NR3C2: variants seen among roughly 807,000 people sequenced by gnomAD.
The protein encoded by NR3C2 is mineralocorticoid receptor.
NR3C2 carries 15 observed loss-of-function variants against 86.4 expected under a neutral mutation model. That is an observed-to-expected ratio of 0.17 (90% confidence interval 0.12 to 0.27). The LOEUF (loss-of-function observed/expected upper bound fraction) is 0.27. Among genes scored for constraint, NR3C2 ranks in the 10% least tolerant of loss-of-function variants. The pLI, the probability that NR3C2 is intolerant of heterozygous loss-of-function variation, is 1.00. For missense variants in NR3C2, 960 were observed against 1,195.6 expected, an observed-to-expected ratio of 0.80 and a Z score of 2.91; for synonymous variants, 458 against 450.5, an observed-to-expected ratio of 1.02 and a Z score of -0.21.
intron 2 of NR3C2, among the ~76,000 whole-genome samples, chr4:148,268,591 C>A (rs939092043): frequency 2.0e-5 from 3 of 152,176 alleles, no homozygotes; most frequent in Non-Finnish European, 1.5e-5. Context: ...TAGTCTTCCA[C>A]AATTTACTTT....
Position 148,259,961 on chromosome 4 carries a change from C to T in NR3C2, c.1897+17G>A, listed in dbSNP as rs750894755. On this transcript the variant is annotated intron_variant, in intron 3 of 8. Coordinates refer to ENST00000358102, the MANE Select transcript of NR3C2 (RefSeq NM_000901.5). The stretch of plus-strand genomic sequence containing the variant: ...TAGGAAAAAATATGTAAAAGGAACA[C>T]CCACATGAACATTTACCTTCCACTG... 3.3e-5 allele frequency: 54 copies of T among 1,613,996 alleles called. No homozygotes were observed. Among genetic ancestry groups the T allele is most frequent in the Middle Eastern group, 1.7e-4 (1 of 6,056 alleles).
At chr4:148,252,383 A>G (rs528387411) in intron 3 of NR3C2, among the ~76,000 whole-genome samples, 4 of 152,188 alleles carry the variant, frequency 2.6e-5, no homozygotes, top group Non-Finnish European at 5.9e-5. Flanking sequence ...GAAATAAATG[A>G]GATAAAATAT....
At chr4:148,369,579 T>C (rs1255194425) in intron 2 of NR3C2, among the ~76,000 whole-genome samples, 2 of 152,326 alleles carry the variant, frequency 1.3e-5, no homozygotes, top group East Asian at 3.9e-4. Context: ...TAAATACTTC[T>C]TTAGCACTTT....
At chr4:148,335,418 A>G (rs996052181) in intron 2 of NR3C2, among the ~76,000 whole-genome samples, 1 of 152,330 alleles carries the variant, frequency 6.6e-6, no homozygotes, top group Admixed American at 6.5e-5. Context: ...GAAAATTTCT[A>G]GACATGCGCA....
chr4:148,348,196 T>C (rs918451457), intron 2 of NR3C2, among the ~76,000 whole-genome samples: 2 of 152,116 alleles, frequency 1.3e-5, no homozygotes, highest in African/African-American at 4.8e-5. Flanking sequence ...CACACTCTGT[T>C]TTGGTAAGTC....
At chr4:148,272,495 G>T (rs368535448) in intron 2 of NR3C2, among the ~76,000 whole-genome samples, 11 of 152,076 alleles carry the variant, frequency 7.2e-5, no homozygotes, top group African/African-American at 2.7e-4. Flanking sequence ...AGGACCCTTG[G>T]AATTTATTTA....
chr4:148,106,080 G>A (rs1731784088), intron 8 of NR3C2, among the ~76,000 whole-genome samples: 1 of 152,178 alleles, frequency 6.6e-6, no homozygotes, highest in Non-Finnish European at 1.5e-5. Context: ...AATTGTCACT[G>A]TTTGCAGATG....
At chr4:148,421,932 G>C (rs1287113533) in intron 2 of NR3C2, among the ~76,000 whole-genome samples, 1 of 151,988 alleles carries the variant, frequency 6.6e-6, no homozygotes, top group Non-Finnish European at 1.5e-5. Context: ...TCTTTTGCTT[G>C]TTAAATGAAA....
intron 4 of NR3C2, among the ~76,000 whole-genome samples, chr4:148,190,124 G>C (rs1736126623): frequency 6.6e-6 from 1 of 152,098 alleles, no homozygotes; most frequent in South Asian, 2.1e-4. Context: ...TTTGAGTTGT[G>C]ACCTTAGATT....
intron 6 of NR3C2, among the ~76,000 whole-genome samples, chr4:148,149,436 A>G (rs182092650): frequency 9.2e-5 from 14 of 152,194 alleles, no homozygotes; most frequent in East Asian, 1.9e-4. Flanking sequence ...CCTAAGTTCC[A>G]TTTACGAAAA....
chr4:148,323,588 G>T (rs1411507702), intron 2 of NR3C2, among the ~76,000 whole-genome samples: 2 of 151,946 alleles, frequency 1.3e-5, no homozygotes, highest in Non-Finnish European at 2.9e-5. Context: ...GTGGTGCGCC[G>T]TTTTTTCAGC....
At chr4:148,286,431 G>T (rs1164762258) in intron 2 of NR3C2, among the ~76,000 whole-genome samples, 1 of 152,154 alleles carries the variant, frequency 6.6e-6, no homozygotes, top group Non-Finnish European at 1.5e-5. Context: ...AAAATTCCCT[G>T]TGATTCACTT....
intron 8 of NR3C2, among the ~76,000 whole-genome samples, chr4:148,104,573 G>C (rs72959800): frequency 0.02 from 3,075 of 152,158 alleles, 82 homozygotes; most frequent in African/African-American, 0.071. Flanking sequence ...TCGATCTCTC[G>C]ATGTCTCTTA....
chr4:148,397,697 G>A (rs1157457278), intron 2 of NR3C2, among the ~76,000 whole-genome samples: 2 of 152,046 alleles, frequency 1.3e-5, no homozygotes, highest in African/African-American at 4.8e-5. Flanking sequence ...TTATAAATGT[G>A]AATAGTTCTT....
intron 3 of NR3C2, among the ~76,000 whole-genome samples, chr4:148,211,874 A>G (rs61758897): frequency 1.4e-4 from 21 of 152,246 alleles, no homozygotes; most frequent in Non-Finnish European, 2.6e-4. Context: ...ATAATCAGCC[A>G]TCAATTAATG....
intron 4 of NR3C2, among the ~76,000 whole-genome samples, chr4:148,171,353 T>G (rs1216134086): frequency 6.6e-6 from 1 of 152,104 alleles, no homozygotes; most frequent in Non-Finnish European, 1.5e-5. Flanking sequence ...CAATCACGAG[T>G]GCAGCTTCAC....
At chr4:148,136,083 A>C (rs541249008) in intron 6 of NR3C2, among the ~76,000 whole-genome samples, 5 of 136,758 alleles carry the variant, frequency 3.7e-5, no homozygotes, top group Middle Eastern at 4.2e-3. Flanking sequence ...AAAACAAAAA[A>C]AAAAAACACC....
chr4:148,305,899 T>A (rs1418041573), intron 2 of NR3C2, among the ~76,000 whole-genome samples: 1 of 152,168 alleles, frequency 6.6e-6, no homozygotes, highest in Admixed American at 6.5e-5. Flanking sequence ...ACTGTACGTG[T>A]CAAATAAGCA....
At chr4:148,186,701 C>G (rs778097985) in intron 4 of NR3C2, among the ~76,000 whole-genome samples, 3 of 151,628 alleles carry the variant, frequency 2.0e-5, no homozygotes, top group African/African-American at 7.3e-5. Context: ...GATTTTGGTG[C>G]ACCCATCATC....
Sources: gnomAD v4.1 joint callset for allele counts (sites outside exome capture counted in the v4.1 genomes callset) on GRCh38, gnomAD v4.1.1 for gene constraint, MANE v1.5 for transcripts, NCBI Gene and HGNC (gene_info 2026-07-23, HGNC 2026-07-21) for gene names.